RARG: variants seen among roughly 807,000 people sequenced by gnomAD.
RARG encodes retinoic acid receptor gamma.
RARG carries 17 observed loss-of-function variants against 43.7 expected under a neutral mutation model. That is an observed-to-expected ratio of 0.39 (90% CI 0.27 to 0.58). The LOEUF (loss-of-function observed/expected upper bound fraction) is 0.58, where lower values mean the gene tolerates loss of function less well. Among genes scored for constraint, RARG ranks in the 20% least tolerant of loss-of-function variants. RARG has a pLI of 0.57. For synonymous variants in RARG, 238 were observed against 236.4 expected, an observed-to-expected ratio of 1.01 and a Z score of -0.06; for missense variants, 346 against 598.7, an observed-to-expected ratio of 0.58 and a Z score of 4.40.
chr12:53,215,572 C>T lies in RARG; in HGVS notation c.333+74G>A. ...GCAAAGCAGTGCTGCTCAGACACAG[C>T]ATCTGTGTGCCTGGTCTCTCATCTT... On this transcript the variant is annotated intron_variant, in intron 4 of 9. Coordinates refer to ENST00000425354, the MANE Select transcript of RARG (RefSeq NM_000966.6). The surrounding 1 kb of genome is among the most constrained non-coding windows in gnomAD (Gnocchi z 6.4). 6.3e-7 allele frequency: 1 copy of T among 1,582,066 alleles called. No individual in the cohort carries two copies. The highest frequency in any genetic ancestry group is 8.6e-7 in the Non-Finnish European group (1 of 1,159,172).
At position 53,214,552 on chromosome 12, in the gene RARG, G is replaced by A. The variant is rs372490193; in HGVS notation, c.530C>T (p.Pro177Leu). ...KKKEVKEEGS[P>L]DSYELSPQLE... is the part of the protein sequence containing the mutation. Reference sequence around the variant, plus strand: ...CTGAGGGCTCAGCTCATAGCTGTCAGGTGACCCTTCTTCCTTCACCTCTTT... The same window carrying A: ...CTGAGGGCTCAGCTCATAGCTGTCAAGTGACCCTTCTTCCTTCACCTCTTT... Residue 177 changes from proline (P) to leucine (L), a missense_variant, in exon 6 of 10, where the codon CCT (proline) becomes CTT (leucine). Physicochemically the swap from Pro to Leu is moderately conservative, Grantham distance 98. Coordinates refer to ENST00000425354, the MANE Select transcript of RARG (RefSeq NM_000966.6). 2 of 1,612,288 alleles carry A rather than the reference G, an allele frequency of 1.2e-6. No homozygotes were observed. The highest frequency in any genetic ancestry group is 8.5e-7 in the Non-Finnish European group (1 of 1,178,494).
chr12:53,220,607 G>C (rs1592439648), intron 3 of RARG, among the ~76,000 whole-genome samples: 1 of 152,150 alleles, frequency 6.6e-6, no homozygotes, highest in Non-Finnish European at 1.5e-5. Context: ...TAAAATCATA[G>C]GTGCACACAC....
At chr12:53,217,831 G>C (rs1942821041) in intron 3 of RARG, among the ~76,000 whole-genome samples, 1 of 152,184 alleles carries the variant, frequency 6.6e-6, no homozygotes, top group African/African-American at 2.4e-5. Flanking sequence ...GCTGCGCGGA[G>C]CTTCAAACAA....
In RARG at chr12:53,214,563, T is replaced by C; in HGVS notation, c.519A>G (p.Glu173=). Residue 173 remains glutamate, a synonymous_variant, in exon 6 of 10, where the codon GAA becomes GAG. Coordinates refer to ENST00000425354, the MANE Select transcript of RARG (RefSeq NM_000966.6). ...DRNKKKKEVK[E]EGSPDSYELS... Reference sequence around the variant, plus strand: ...GCTCATAGCTGTCAGGTGACCCTTCTTCCTTCACCTCTTTCTTCTTCTTGT... The same window carrying C: ...GCTCATAGCTGTCAGGTGACCCTTCCTCCTTCACCTCTTTCTTCTTCTTGT... The C allele has an allele frequency of 6.2e-7, 1 of 1,611,184 alleles. No homozygotes were observed. The highest frequency in any genetic ancestry group is 8.5e-7 in the Non-Finnish European group (1 of 1,177,508).
At chr12:53,222,373 T>C (rs983064482) in intron 3 of RARG, among the ~76,000 whole-genome samples, 41 of 152,088 alleles carry the variant, frequency 2.7e-4, no homozygotes, top group Non-Finnish European at 4.9e-4. Context: ...CAAAAACAGT[T>C]AAGTGCAAAA....
At position 53,227,279 on chromosome 12, in the gene RARG, G is replaced by A; in HGVS notation, c.184+83C>T. On this transcript the variant is annotated intron_variant, in intron 3 of 9. Coordinates refer to ENST00000425354, the MANE Select transcript of RARG (RefSeq NM_000966.6). The surrounding 1 kb of genome is among the most constrained non-coding windows in gnomAD (Gnocchi z 4.3). ...TGTCCCCTGCCTGCCTTCCTAACTG[G>A]GGTGCCAACTCTTTTACCATCCACC... 7.2e-7 allele frequency: 1 copy of A among 1,381,238 alleles called. No individual in the cohort carries two copies. Among genetic ancestry groups the A allele is most frequent in the Non-Finnish European group, 9.7e-7 (1 of 1,030,290 alleles). The allele number at this position is 1,381,238 out of a possible 1,614,324, so 85.6% of individuals were successfully genotyped here. A position where few individuals can be genotyped will look rare whatever the true frequency, so the allele number is the denominator to read the frequency against.
intron 5 of RARG, 71 bp from the exon 6 acceptor site, chr12:53,214,677 A>C (rs1311984220): frequency 2.8e-6 from 4 of 1,411,750 alleles, no homozygotes; most frequent in Non-Finnish European, 3.9e-6. Context: ...CTCTCACCCT[A>C]ATTTAATATG....
rs1160084920 is a variant in RARG at position 53,212,737 on chromosome 12, T to TACAC, written c.1177+344_1177+347dup. ...AAGACTTTGTCTCTAAATATATATA[T>TACAC]ACACACACACACACACACACACACA... On this transcript the variant is annotated intron_variant, in intron 9 of 9. Transcript: ENST00000425354. 4.2e-3 allele frequency among the ~76,000 whole-genome samples: 556 copies of TACAC among 133,758 alleles called. 2 individuals are homozygous for TACAC. The highest frequency in any genetic ancestry group is 0.012 in the African/African-American group (412 of 34,024). 87.8% of individuals were successfully genotyped at this position (133,758 alleles called of 152,430 possible).
chr12:53,221,856 C>T (rs1213673667), intron 3 of RARG, among the ~76,000 whole-genome samples: 1 of 151,798 alleles, frequency 6.6e-6, no homozygotes, highest in South Asian at 2.1e-4. Context: ...GCCCTTCCCC[C>T]GCCAGGCGGC....
chr12:53,230,635 T>C, intron 2 of RARG, among the ~76,000 whole-genome samples: 1 of 151,778 alleles, frequency 6.6e-6, no homozygotes, highest in East Asian at 1.9e-4. Flanking sequence ...TCCACCCTAC[T>C]AGCCCCAGGG....
At chr12:53,219,248 A>C (rs1459856969) in intron 3 of RARG, among the ~76,000 whole-genome samples, 1 of 152,208 alleles carries the variant, frequency 6.6e-6, no homozygotes, top group Non-Finnish European at 1.5e-5. Context: ...CTCTGCATAT[A>C]ACCGCATACA....
chr12:53,230,838 T>C (rs989337717), intron 2 of RARG, among the ~76,000 whole-genome samples: 2 of 8,510 alleles, frequency 2.4e-4, no homozygotes, highest in Non-Finnish European at 5.1e-4. Flanking sequence ...CCACAGTGCG[T>C]GTGTGTGTGT....
intron 3 of RARG, among the ~76,000 whole-genome samples, chr12:53,218,352 CAA>C (rs1442420604): frequency 6.6e-6 from 1 of 152,318 alleles, no homozygotes; most frequent in Admixed American, 6.5e-5. Context: ...TAGGGCCAGT[CAA>C]GCCCAAAGGG....
Position 53,227,360 on chromosome 12 carries a change from A to T in RARG, c.184+2T>A. The T allele has an allele frequency of 1.3e-6, 2 of 1,555,468 alleles. No homozygotes were observed. The highest frequency in any genetic ancestry group is 1.7e-6 in the Non-Finnish European group (2 of 1,151,718). On this transcript the variant is annotated splice_donor_variant, in intron 3 of 9. Transcript: ENST00000425354. LOFTEE classifies it high-confidence loss of function. This position sits in a 1 kb window ranked among gnomAD's most constrained non-coding sequence, Gnocchi z 4.3. ...TCATTCCCCAAGATCCCTGAGACTCACACAGAGAGGCCATCTCCTTGGGGA... is the reference window on the plus strand; with the variant it reads ...TCATTCCCCAAGATCCCTGAGACTCTCACAGAGAGGCCATCTCCTTGGGGA...
At chr12:53,219,814 G>T in intron 3 of RARG, 1 of 783,106 alleles carries the variant, frequency 1.3e-6, no homozygotes, top group Non-Finnish European at 1.9e-6. Flanking sequence ...AGGCCCCCAC[G>T]TTTAAAGGGC....
intron 3 of RARG, chr12:53,220,486 C>T: frequency 2.0e-6 from 1 of 504,708 alleles, no homozygotes; most frequent in Non-Finnish European, 3.1e-6. Context: ...TACGTACACT[C>T]GCTCCGCGGC....
In RARG at chr12:53,227,528, C is replaced by T; in HGVS notation, c.18G>A (p.Glu6=). Reference sequence around the variant, plus strand: ...CCAGGGCACCAGCCGCAAAGAGTCGCTCCTTATTGGTGGCCATGGCAGCTG... The same window carrying T: ...CCAGGGCACCAGCCGCAAAGAGTCGTTCCTTATTGGTGGCCATGGCAGCTG... MATNK[E]RLFAAGALGP... is the part of the protein sequence containing the mutation. The change falls in exon 3 of 10, where the codon GAG becomes GAA. Residue 6 remains glutamate, a synonymous_variant. Transcript: ENST00000425354. This position sits in a 1 kb window ranked among gnomAD's most constrained non-coding sequence, Gnocchi z 4.3. The T allele has an allele frequency of 6.3e-7, 1 of 1,591,030 alleles. No homozygotes were observed. The highest frequency in any genetic ancestry group is 8.6e-7 in the Non-Finnish European group (1 of 1,169,404).
chr12:53,216,517 G>GGGAA (rs1318065783), intron 3 of RARG, among the ~76,000 whole-genome samples: 1 of 152,156 alleles, frequency 6.6e-6, no homozygotes, highest in African/African-American at 2.4e-5. Flanking sequence ...GCCACGAGAG[G>GGGAA]GGAAGTGACC....
chr12:53,217,431 G>A (rs1565722869), intron 3 of RARG, among the ~76,000 whole-genome samples: 1 of 152,218 alleles, frequency 6.6e-6, no homozygotes, highest in Admixed American at 6.5e-5. Flanking sequence ...CTCCCTGCCC[G>A]CAGAGCGCTG....
Sources: gnomAD v4.1 joint callset for allele counts (sites outside exome capture counted in the v4.1 genomes callset) on GRCh38, gnomAD v4.1.1 for gene constraint, Gnocchi (gnomAD v3.1) non-coding constraint, MANE v1.5 for transcripts, NCBI Gene and HGNC (gene_info 2026-07-23, HGNC 2026-07-21) for gene names.